IGSF11: variants seen among roughly 807,000 people sequenced by gnomAD.
The protein encoded by IGSF11 is CXADR like 1.
In IGSF11, 22 loss-of-function variants were observed where a neutral mutation model predicts 41.0. The observed-to-expected ratio is 0.54, with a 90% CI of 0.38 to 0.77. The LOEUF (loss-of-function observed/expected upper bound fraction) is 0.77, where lower values mean the gene tolerates loss of function less well. Among genes scored for constraint, IGSF11 ranks in the 30% least tolerant of loss-of-function variants. The pLI is 0.00. For missense variants in IGSF11, 444 were observed against 530.8 expected (o/e 0.84, Z 1.61); for synonymous variants, 219 against 201.3 (o/e 1.09, Z -0.74).
intron 1 of IGSF11, among the ~76,000 whole-genome samples, chr3:119,125,101 C>T (rs1254248903): frequency 6.6e-6 from 1 of 152,100 alleles, no homozygotes; most frequent in Admixed American, 6.6e-5. Context: ...AGACTTTCCC[C>T]GACAAACAAA....
chr3:118,917,275 A>G (rs1233474169), intron 4 of IGSF11, among the ~76,000 whole-genome samples: 5 of 149,506 alleles, frequency 3.3e-5, no homozygotes, highest in South Asian at 2.2e-4. Context: ...AACTGAAGGA[A>G]ATAGAGACAC....
At chr3:119,014,166 A>G (rs1383450340) in intron 1 of IGSF11, among the ~76,000 whole-genome samples, 1 of 152,208 alleles carries the variant, frequency 6.6e-6, no homozygotes, top group Non-Finnish European at 1.5e-5. Flanking sequence ...TTCTAAATTT[A>G]GGAAGTTAGG....
intron 1 of IGSF11, among the ~76,000 whole-genome samples, chr3:119,045,001 A>T (rs1410248091): frequency 6.6e-6 from 1 of 152,234 alleles, no homozygotes; most frequent in East Asian, 1.9e-4. Flanking sequence ...CAGTTAAAAA[A>T]AGGAATTCAA....
intron 1 of IGSF11, among the ~76,000 whole-genome samples, chr3:118,973,484 C>T (rs964798607): frequency 2.0e-5 from 3 of 152,168 alleles, no homozygotes; most frequent in Admixed American, 6.5e-5. Context: ...ATTTCTCTAA[C>T]CTGACTTGTC....
At chr3:118,979,164 T>C (rs1934445753) in intron 1 of IGSF11, among the ~76,000 whole-genome samples, 1 of 152,082 alleles carries the variant, frequency 6.6e-6, no homozygotes, top group African/African-American at 2.4e-5. Flanking sequence ...GTTTTAATGA[T>C]AGACTAAACA....
At chr3:118,993,000 A>G (rs1162612506) in intron 1 of IGSF11, among the ~76,000 whole-genome samples, 1 of 152,192 alleles carries the variant, frequency 6.6e-6, no homozygotes, top group African/African-American at 2.4e-5. Flanking sequence ...CCAAGGCAGG[A>G]GAATTGCTTG....
At chr3:119,095,591 A>G (rs1301716159) in intron 1 of IGSF11, among the ~76,000 whole-genome samples, 1 of 152,232 alleles carries the variant, frequency 6.6e-6, no homozygotes, top group African/African-American at 2.4e-5. Flanking sequence ...ATTCCTAGAT[A>G]GGGACCAAGG....
chr3:118,908,993 TG>T (rs1207656570), intron 4 of IGSF11, among the ~76,000 whole-genome samples: 1 of 152,242 alleles, frequency 6.6e-6, no homozygotes, highest in Non-Finnish European at 1.5e-5. Flanking sequence ...TGTAGATTAC[TG>T]TGAGGACTAA....
At chr3:119,041,055 C>T (rs1264401418) in intron 1 of IGSF11, among the ~76,000 whole-genome samples, 1 of 151,452 alleles carries the variant, frequency 6.6e-6, no homozygotes, top group Non-Finnish European at 1.5e-5. Flanking sequence ...AATATGAAAA[C>T]CTAAACACAA....
intron 1 of IGSF11, among the ~76,000 whole-genome samples, chr3:119,129,134 G>C (rs1378513297): frequency 6.6e-6 from 1 of 152,048 alleles, no homozygotes; most frequent in African/African-American, 2.4e-5. Context: ...CACAGAGAGG[G>C]GAACAACAAC....
Position 119,145,849 on chromosome 3 carries a change from C to T in IGSF11, c.-50G>A, listed in dbSNP as rs185977484. ...CCTCTTTCTCACACACTGCGGAGAA[C>T]CTCTGTGAACAAGGAAGAGGGTAAC... On this transcript the variant is annotated 5_prime_UTR_variant, in exon 1 of 8. Coordinates refer to the IGSF11 transcript ENST00000425327. 1,031 of 245,026 alleles carry T rather than the reference C, an allele frequency of 4.2e-3. 7 individuals carry two copies. Among genetic ancestry groups the T allele is most frequent in the Non-Finnish European group, 7.2e-3 (910 of 126,610 alleles). 15.2% of individuals were successfully genotyped at this position (245,026 alleles called of 1,614,324 possible).
chr3:118,913,680 G>C (rs960395020), intron 4 of IGSF11, among the ~76,000 whole-genome samples: 1 of 152,036 alleles, frequency 6.6e-6, no homozygotes, highest in African/African-American at 2.4e-5. Context: ...TAAGAAAATG[G>C]AACACAGAAA....
intron 1 of IGSF11, among the ~76,000 whole-genome samples, chr3:119,138,158 CAAAA>C (rs71156733): frequency 2.2e-5 from 3 of 134,060 alleles, no homozygotes; most frequent in Admixed American, 7.5e-5. Flanking sequence ...GGTTCCTCAA[CAAAA>C]AAAAAAAAAA....
rs759431165 is a variant in IGSF11 at position 118,902,728 on chromosome 3, T to C, written c.1088A>G (p.His363Arg). ...NIPSIYANGT[H>R]LVPGQHKTLV... is the part of the protein sequence containing the mutation. ...AGTCTTATGTTGACCCGGGACCAGATGGGTCCCATTAGCATAAATGGATGG... is the reference window on the plus strand; with the variant it reads ...AGTCTTATGTTGACCCGGGACCAGACGGGTCCCATTAGCATAAATGGATGG... The change falls in exon 7 of 7, where the codon CAT becomes CGT. Residue 363 changes from histidine (H) to arginine (R), a missense_variant. This residue lies in a region of IGSF11 where 223 missense variants were observed against 226.2 expected (regional missense o/e 0.99). Coordinates refer to ENST00000393775, the MANE Select transcript of IGSF11 (RefSeq NM_001015887.3). 6.2e-7 allele frequency: 1 copy of C among 1,613,854 alleles called. No homozygotes were observed. Among genetic ancestry groups the C allele is most frequent in the Non-Finnish European group, 8.5e-7 (1 of 1,179,780 alleles).
chr3:119,105,211 G>A, exon 1 of IGSF11: 2 of 1,574,786 alleles, frequency 1.3e-6, no homozygotes, highest in Admixed American at 1.7e-5. Flanking sequence ...CTTGCCTGAG[G>A]AAGGTGAGAA....
intron 1 of IGSF11, among the ~76,000 whole-genome samples, chr3:119,089,058 G>A (rs2076722258): frequency 6.6e-6 from 1 of 152,016 alleles, no homozygotes; most frequent in Non-Finnish European, 1.5e-5. Context: ...CGAGGAGTAG[G>A]AGCTCTCCTG....
intron 1 of IGSF11, among the ~76,000 whole-genome samples, chr3:119,113,384 T>C (rs2077211040): frequency 6.6e-6 from 1 of 152,180 alleles, no homozygotes; most frequent in Admixed American, 6.6e-5. Flanking sequence ...GATATGGGCA[T>C]TGGAAAAATA....
At chr3:118,990,867 T>C (rs1396673804) in intron 1 of IGSF11, among the ~76,000 whole-genome samples, 1 of 152,126 alleles carries the variant, frequency 6.6e-6, no homozygotes, top group Admixed American at 6.5e-5. Context: ...GGCAAGGGTA[T>C]GTATATATGT....
intron 1 of IGSF11, among the ~76,000 whole-genome samples, chr3:118,961,019 C>T (rs947083255): frequency 1.3e-5 from 2 of 152,166 alleles, no homozygotes; most frequent in African/African-American, 2.4e-5. Context: ...AAATGATCCC[C>T]TTTGGATGAC....
Sources: allele counts gnomAD v4.1 joint callset (sites outside exome capture counted in the v4.1 genomes callset), GRCh38; gene constraint gnomAD v4.1.1; regional missense constraint gnomAD v4.1.1; transcripts MANE v1.5; gene names NCBI Gene and HGNC (gene_info 2026-07-23, HGNC 2026-07-21).